The following ZBTB20 variants were observed in gnomAD, a reference collection of about 807,000 sequenced individuals.
ZBTB20 encodes the protein zinc finger and BTB domain-containing protein 20.
Under a neutral mutation model 56.9 loss-of-function variants are expected in ZBTB20, and 9 were observed. The observed-to-expected ratio is 0.16, with a 90% CI of 0.10 to 0.28. The LOEUF (loss-of-function observed/expected upper bound fraction) is 0.28. Among genes scored for constraint, ZBTB20 ranks in the 10% least tolerant of loss-of-function variants. The pLI, the probability that ZBTB20 is intolerant of heterozygous loss-of-function variation, is 1.00. For synonymous variants in ZBTB20, 417 were observed against 420.7 expected, an observed-to-expected ratio of 0.99 and a Z score of 0.11; for missense variants, 655 against 1,003.0, an observed-to-expected ratio of 0.65 and a Z score of 4.69.
At chr3:114,422,718 G>A (rs1475494782) in intron 7 of ZBTB20, among the ~76,000 whole-genome samples, 2 of 152,074 alleles carry the variant, frequency 1.3e-5, no homozygotes, top group Admixed American at 6.6e-5. Context: ...TGATGTAACC[G>A]CTGATTATTT....
At chr3:114,626,516 G>T (rs977092235) in intron 6 of ZBTB20, among the ~76,000 whole-genome samples, 1 of 152,152 alleles carries the variant, frequency 6.6e-6, no homozygotes, top group Admixed American at 6.6e-5. Context: ...TGTTCCACTG[G>T]ATTGAGAGGA....
At chr3:114,607,771 A>G (rs1265969476) in intron 6 of ZBTB20, among the ~76,000 whole-genome samples, 1 of 152,230 alleles carries the variant, frequency 6.6e-6, no homozygotes, top group Non-Finnish European at 1.5e-5. Flanking sequence ...TAATGACTCA[A>G]GTTGGTTTTA....
chr3:114,965,816 C>T lies in ZBTB20; in HGVS notation c.-456+8550G>A, dbSNP rs561265341. ...CATTTGTATGTCTTCTTTTGAGATA[C>T]GTCTATTCAGGTCCTTTGCCTATTT... On this transcript the variant is annotated intron_variant, in intron 3 of 11. Transcript: ENST00000675478. Among the ~76,000 whole-genome samples the T allele has an allele frequency of 2.3e-3, 346 of 152,050 alleles. 1 individual carries two copies. The highest frequency in any genetic ancestry group is 4.1e-3 in the Admixed American group (63 of 15,252).
chr3:114,947,490 T>C (rs2076923036), intron 3 of ZBTB20, among the ~76,000 whole-genome samples: 1 of 146,252 alleles, frequency 6.8e-6, no homozygotes, highest in African/African-American at 2.8e-5. Context: ...AAGAATGGAA[T>C]CACATCTTTT....
intron 6 of ZBTB20, among the ~76,000 whole-genome samples, chr3:114,682,560 C>A (rs1223907789): frequency 1.3e-5 from 2 of 152,050 alleles, no homozygotes; most frequent in South Asian, 4.1e-4. Flanking sequence ...TCAGTGCTTA[C>A]CATAATTGAT....
At chr3:115,068,474 T>C (rs2082287323) in intron 2 of ZBTB20, among the ~76,000 whole-genome samples, 1 of 151,958 alleles carries the variant, frequency 6.6e-6, no homozygotes, top group African/African-American at 2.4e-5. Context: ...CAGTTGAAAT[T>C]GATAGAATTT....
At chr3:114,726,482 T>C (rs1160921379) in intron 5 of ZBTB20, among the ~76,000 whole-genome samples, 1 of 152,198 alleles carries the variant, frequency 6.6e-6, no homozygotes, top group Non-Finnish European at 1.5e-5. Flanking sequence ...GAAGTGCTTG[T>C]TCAAATACAA....
At chr3:114,435,764 C>T (rs1032984517) in intron 7 of ZBTB20, among the ~76,000 whole-genome samples, 4 of 152,104 alleles carry the variant, frequency 2.6e-5, no homozygotes, top group African/African-American at 4.8e-5. Flanking sequence ...AAAAGTCTAA[C>T]GAGAATAAAA....
At chr3:114,617,055 G>A (rs758836833) in intron 6 of ZBTB20, among the ~76,000 whole-genome samples, 1 of 152,018 alleles carries the variant, frequency 6.6e-6, no homozygotes, top group Non-Finnish European at 1.5e-5. Context: ...TCATTTTCTT[G>A]CCTCTATTCT....
At chr3:114,987,840 T>G (rs2078612047) in intron 2 of ZBTB20, among the ~76,000 whole-genome samples, 1 of 152,088 alleles carries the variant, frequency 6.6e-6, no homozygotes, top group African/African-American at 2.4e-5. Flanking sequence ...TTTAGCTACA[T>G]GTAGAAGTCA....
intron 3 of ZBTB20, among the ~76,000 whole-genome samples, chr3:114,951,677 T>C (rs548999726): frequency 6.6e-6 from 1 of 152,156 alleles, no homozygotes; most frequent in East Asian, 1.9e-4. Context: ...ATGTCAACAT[T>C]CTCCATAGAA....
At chr3:114,493,221 G>T (rs2042928255) in intron 7 of ZBTB20, among the ~76,000 whole-genome samples, 1 of 152,190 alleles carries the variant, frequency 6.6e-6, no homozygotes, top group East Asian at 1.9e-4. Context: ...TCTGCTTAGT[G>T]CTGAGAGGTA....
intron 6 of ZBTB20, among the ~76,000 whole-genome samples, chr3:114,634,298 G>A (rs1055272856): frequency 6.6e-6 from 1 of 152,120 alleles, no homozygotes; most frequent in Non-Finnish European, 1.5e-5. Context: ...AAAATAAGAA[G>A]CACTATTCAG....
At chr3:114,825,736 T>C (rs1054514448) in intron 4 of ZBTB20, among the ~76,000 whole-genome samples, 4 of 151,858 alleles carry the variant, frequency 2.6e-5, no homozygotes, top group South Asian at 2.1e-4. Context: ...GTAAATCTAT[T>C]GGTTCAGCAC....
intron 11 of ZBTB20, among the ~76,000 whole-genome samples, chr3:114,344,087 C>T (rs906282188): frequency 3.3e-5 from 5 of 152,112 alleles, no homozygotes; most frequent in Admixed American, 1.3e-4. Flanking sequence ...GAGATATCAG[C>T]GGTGTGATTG....
At chr3:114,922,592 G>A (rs190732636) in intron 3 of ZBTB20, among the ~76,000 whole-genome samples, 1 of 152,268 alleles carries the variant, frequency 6.6e-6, no homozygotes, top group Admixed American at 6.5e-5. Flanking sequence ...TATTACCTAA[G>A]GCTGGGTAAT....
chr3:114,985,146 C>T (rs374667289), intron 2 of ZBTB20, among the ~76,000 whole-genome samples: 16 of 152,080 alleles, frequency 1.1e-4, no homozygotes, highest in East Asian at 3.9e-4. Context: ...GACTCATTGT[C>T]GATTTTCCTA....
At chr3:114,976,577 G>A (rs1308615623) in intron 2 of ZBTB20, among the ~76,000 whole-genome samples, 2 of 151,046 alleles carry the variant, frequency 1.3e-5, no homozygotes, top group Non-Finnish European at 2.9e-5. Context: ...AGTGAGCCAA[G>A]ATCGCGCCAC....
At position 114,329,204 on chromosome 3, in the gene ZBTB20, CAATCTATTAGGA is replaced by C. The variant is rs989804741; in HGVS notation, c.*9789_*9800del. Reference sequence around the variant, plus strand: ...AGAATGGGATGGGATTAGAAAACAACAATCTATTAGGAAAGATGAAAGGAAGGAATTCCCCAG... The same window carrying C: ...AGAATGGGATGGGATTAGAAAACAACAAGATGAAAGGAAGGAATTCCCCAG... On this transcript the variant is annotated 3_prime_UTR_variant, in exon 12 of 12. Coordinates refer to ENST00000675478, the MANE Select transcript of ZBTB20 (RefSeq NM_001348800.3). 1 of 152,150 alleles carries C rather than the reference CAATCTATTAGGA, an allele frequency of 6.6e-6. No homozygotes were observed. Among genetic ancestry groups the C allele is most frequent in the Admixed American group, 6.5e-5 (1 of 15,274 alleles). 9.4% of individuals were successfully genotyped at this position (152,150 alleles called of 1,614,324 possible).
Sources: gnomAD v4.1 joint callset for allele counts (sites outside exome capture counted in the v4.1 genomes callset) on GRCh38, gnomAD v4.1.1 for gene constraint, MANE v1.5 for transcripts, NCBI Gene and HGNC (gene_info 2026-07-23, HGNC 2026-07-21) for gene names.